Variants in ANK3 observed in about 807,000 individuals in gnomAD.
ANK3 encodes the protein ankyrin-3.
ANK3 carries 57 observed loss-of-function variants against 370.9 expected under a neutral mutation model. The ratio of observed to expected loss-of-function variants is 0.15; its 90% CI spans 0.12 to 0.19. The LOEUF (loss-of-function observed/expected upper bound fraction) is 0.19. Ranked by LOEUF, ANK3 falls within the 10% of genes least tolerant of loss-of-function variation. The pLI, the probability that ANK3 is intolerant of heterozygous loss-of-function variation, is 1.00. For missense variants in ANK3, 4,439 were observed against 5,302.1 expected (o/e 0.84, Z 5.06); for synonymous variants, 1,929 against 1,946.3 (o/e 0.99, Z 0.23).
rs543473786 is a variant in ANK3 at position 60,267,814 on chromosome 10, T to A, written c.513+2317A>T. Among the ~76,000 whole-genome samples, 3 of 152,300 alleles carry A rather than the reference T, an allele frequency of 2.0e-5. No homozygotes were observed. The South Asian group carries it at 6.2e-4, about 32-fold the overall frequency. On this transcript the variant is annotated intron_variant, in intron 5 of 43. Coordinates refer to ENST00000280772, the MANE Select transcript of ANK3 (RefSeq NM_020987.5). The stretch of plus-strand genomic sequence containing the variant: ...TCACAAAGAAAGCTATGGAATCACT[T>A]TCATTAGGTTATTTACAGTACTTAA...
chr10:60,525,440 A>C (rs1405390292), intron 2 of ANK3, among the ~76,000 whole-genome samples: 1 of 152,144 alleles, frequency 6.6e-6, no homozygotes, highest in East Asian at 1.9e-4. Flanking sequence ...AGAAGAGTTG[A>C]AGGAAACTAT....
intron 36 of ANK3, among the ~76,000 whole-genome samples, chr10:60,077,277 A>G (rs2084052793): frequency 1.3e-5 from 2 of 152,224 alleles, no homozygotes; most frequent in South Asian, 4.1e-4. Context: ...AAGAAAACAT[A>G]ATATGAAATG....
At chr10:60,162,744 A>G (rs991159168) in intron 23 of ANK3, among the ~76,000 whole-genome samples, 1 of 152,066 alleles carries the variant, frequency 6.6e-6, no homozygotes, top group African/African-American at 2.4e-5. Flanking sequence ...GAATTAGAAA[A>G]TTCTTCCTAG....
rs114309336 is a variant in ANK3, at chr10:60,251,489, C to T, written c.798+10370G>A. Among the ~76,000 whole-genome samples, 1,078 of 152,298 alleles carry T rather than the reference C, an allele frequency of 7.1e-3. 16 individuals are homozygous for T. Among genetic ancestry groups the T allele is most frequent in the African/African-American group, 0.025 (1,038 of 41,564 alleles). ...AGACTGACCCATGCATTGAAGGAGCCTAAGCCATCCTGGGCCTCTCCCATT... is the reference window on the plus strand; with the variant it reads ...AGACTGACCCATGCATTGAAGGAGCTTAAGCCATCCTGGGCCTCTCCCATT... On this transcript the variant is annotated intron_variant, in intron 7 of 43. Transcript: ENST00000280772.
chr10:60,409,774 T>G (rs1295491100), intron 2 of ANK3, among the ~76,000 whole-genome samples: 13 of 152,146 alleles, frequency 8.5e-5, no homozygotes, highest in Non-Finnish European at 1.9e-4. Flanking sequence ...GATCCCAAAA[T>G]TCAACTCTCT....
rs2075893796 is a variant in ANK3 at position 60,504,896 on chromosome 10, G to A, written c.96+110290C>T. ...CTGACTTGAATTGAGATTCAAACTA[G>A]CTACAGAGGGCATATGTGAGCCATA... On this transcript the variant is annotated intron_variant, in intron 2 of 43. Transcript: ENST00000373827. Among the ~76,000 whole-genome samples the A allele has an allele frequency of 3.3e-5, 5 of 152,092 alleles. No individual in the cohort carries two copies. In the South Asian group the frequency reaches 8.3e-4, roughly 25 times the overall value.
intron 12 of ANK3, among the ~76,000 whole-genome samples, chr10:60,202,229 C>G (rs2096691569): frequency 6.6e-6 from 1 of 152,126 alleles, no homozygotes; most frequent in Non-Finnish European, 1.5e-5. Flanking sequence ...TCAGGCAATT[C>G]TCCTGCCTCA....
intron 1 of ANK3, among the ~76,000 whole-genome samples, chr10:60,711,109 A>G (rs527828583): frequency 2.6e-5 from 4 of 152,362 alleles, no homozygotes; most frequent in Admixed American, 6.5e-5. Flanking sequence ...GACACATAAA[A>G]TAACCATTAC....
chr10:60,042,273 G>A (rs1182575870), intron 43 of ANK3, among the ~76,000 whole-genome samples: 1 of 152,198 alleles, frequency 6.6e-6, no homozygotes, highest in Non-Finnish European at 1.5e-5. Context: ...ATGCCGTTCT[G>A]CTAAAATGGT....
In ANK3 at chr10:60,060,088, T is replaced by A. The variant is rs1589393621; in HGVS notation, c.12596-658A>T. The A allele has an allele frequency of 3.7e-6, 4 of 1,070,376 alleles. No homozygotes were observed. In the South Asian group the frequency reaches 8.5e-5, roughly 23 times the overall value. 66.3% of individuals were successfully genotyped at this position (1,070,376 alleles called of 1,614,324 possible). ...AACACATGGAATGACTAAAATTATA[T>A]CAGGCATGAAAAATGTATGATGAAT... is the stretch of plus-strand genomic sequence containing the variant. On this transcript the variant is annotated intron_variant, in intron 40 of 43. Coordinates refer to ENST00000280772, the MANE Select transcript of ANK3 (RefSeq NM_020987.5).
At chr10:60,394,698 G>T (rs2063180822), upstream of ANK3, among the ~76,000 whole-genome samples, 1 of 152,190 alleles carries the variant, frequency 6.6e-6, no homozygotes, top group Admixed American at 6.5e-5. Context: ...TTAACCCAAA[G>T]GAGTAGACTG....
At chr10:60,511,153 C>T (rs2076069444) in intron 2 of ANK3, among the ~76,000 whole-genome samples, 2 of 152,092 alleles carry the variant, frequency 1.3e-5, no homozygotes, top group South Asian at 4.1e-4. Flanking sequence ...ATTAAGCAGG[C>T]ATATTCATGA....
At chr10:60,466,043 T>G (rs1424696764) in intron 2 of ANK3, among the ~76,000 whole-genome samples, 2 of 152,156 alleles carry the variant, frequency 1.3e-5, no homozygotes, top group Non-Finnish European at 2.9e-5. Context: ...CTCTTCCTCC[T>G]GCATCACACC....
intron 26 of ANK3, among the ~76,000 whole-genome samples, chr10:60,110,799 CAG>C (rs1315859265): frequency 6.6e-6 from 1 of 152,092 alleles, no homozygotes; most frequent in Middle Eastern, 3.2e-3. Context: ...ATAATAGTAA[CAG>C]AATGGATTTA....
At chr10:60,252,309 AC>A (rs2097680316) in intron 7 of ANK3, among the ~76,000 whole-genome samples, 1 of 152,186 alleles carries the variant, frequency 6.6e-6, no homozygotes, top group South Asian at 2.1e-4. Flanking sequence ...ATCCAAATGC[AC>A]TGTCTGATGA....
chr10:60,283,338 T>A (rs935433433), intron 1 of ANK3, among the ~76,000 whole-genome samples: 1 of 152,134 alleles, frequency 6.6e-6, no homozygotes, highest in Non-Finnish European at 1.5e-5. Flanking sequence ...AGCTGGTTTT[T>A]TTAACCTTTT....
intron 2 of ANK3, among the ~76,000 whole-genome samples, chr10:60,610,320 TG>T (rs1418403433): frequency 6.6e-6 from 1 of 152,140 alleles, no homozygotes; most frequent in Non-Finnish European, 1.5e-5. Flanking sequence ...AAGACCAGCC[TG>T]GCCAACATGG....
rs11553751 is a variant in ANK3, at chr10:60,028,652, A to T, written c.*1194T>A. 6.6e-6 allele frequency: 1 copy of T among 152,594 alleles called. No individual in the cohort carries two copies. The highest frequency in any genetic ancestry group is 2.4e-5 in the African/African-American group (1 of 41,428). The allele number at this position is 152,594 out of a possible 1,614,324, so 9.5% of individuals were successfully genotyped here. ...GATTGGCTTACTGAAAGGTGTCTAC[A>T]TCTTATAGCCAGTACACAATACAGT... On this transcript the variant is annotated 3_prime_UTR_variant, in exon 44 of 44. Transcript: ENST00000280772.
At chr10:60,491,427 C>A (rs539806008) in intron 2 of ANK3, among the ~76,000 whole-genome samples, 7 of 152,280 alleles carry the variant, frequency 4.6e-5, no homozygotes, top group Non-Finnish European at 8.8e-5. Flanking sequence ...TCTGTGAATG[C>A]AAATCATAAT....
Sources: allele counts gnomAD v4.1 joint callset (sites outside exome capture counted in the v4.1 genomes callset), GRCh38; gene constraint gnomAD v4.1.1; transcripts MANE v1.5; gene names NCBI Gene and HGNC (gene_info 2026-07-23, HGNC 2026-07-21).